Variants in ANKRD33B observed in about 807,000 individuals in gnomAD.
The protein encoded by ANKRD33B is ankyrin repeat domain 33B.
ANKRD33B carries 6 observed loss-of-function variants against 21.5 expected under a neutral mutation model. The ratio of observed to expected loss-of-function variants is 0.28; its 90% CI spans 0.15 to 0.55. ANKRD33B has a LOEUF of 0.55. Among genes scored for constraint, ANKRD33B ranks in the 20% least tolerant of loss-of-function variants. ANKRD33B has a pLI of 0.94. For synonymous variants in ANKRD33B, 347 were observed against 342.4 expected (o/e 1.01, Z -0.15); for missense variants, 698 against 747.2 (o/e 0.93, Z 0.77).
chr5:10,638,989 A>C lies in ANKRD33B; in HGVS notation c.637+821A>C, dbSNP rs34752589. The stretch of plus-strand genomic sequence containing the variant: ...ACGGCGATGTTAGCGGGTGACGCGG[A>C]GTTGCGCGGCGATGTTAGGCGGTGA... On this transcript the variant is annotated intron_variant, in intron 3 of 3. Coordinates refer to ENST00000296657, the MANE Select transcript of ANKRD33B (RefSeq NM_001164440.2). 9.3e-4 allele frequency among the ~76,000 whole-genome samples: 62 copies of C among 66,992 alleles called. 3 individuals carry two copies. Among genetic ancestry groups the C allele is most frequent in the Admixed American group, 1.0e-3 (8 of 7,672 alleles). 43.9% of individuals were successfully genotyped at this position (66,992 alleles called of 152,430 possible).
intron 2 of ANKRD33B, chr5:10,627,214 A>G (rs1736573101): frequency 6.6e-6 from 1 of 152,180 alleles, no homozygotes; most frequent in South Asian, 2.1e-4. Flanking sequence ...CGCTCCACTA[A>G]CAAAAATAAA....
In ANKRD33B at chr5:10,564,138, C is replaced by T. The variant is rs955425435; in HGVS notation, c.-330C>T. Among the ~76,000 whole-genome samples, 4 of 152,134 alleles carry T rather than the reference C, an allele frequency of 2.6e-5. No homozygotes were observed. The highest frequency in any genetic ancestry group is 1.9e-4 in the East Asian group (1 of 5,150). ...GGGGCAACGCTGCCAGGTGCCCAGT[C>T]CCCGCGCTCGAGAGAGCGCCTGCCT... On this transcript the variant is annotated 5_prime_UTR_variant, in exon 1 of 4. Transcript: ENST00000296657.
intron 2 of ANKRD33B, chr5:10,627,351 T>C (rs897169686): frequency 6.6e-6 from 1 of 152,248 alleles, no homozygotes; most frequent in African/African-American, 2.4e-5. Context: ...GGGGTCTCTT[T>C]GAGCTGGTGA....
rs774080913 is a variant in ANKRD33B at position 10,576,185 on chromosome 5, C to G, written c.366+11352C>G. On this transcript the variant is annotated intron_variant, in intron 1 of 3. Transcript: ENST00000296657. The surrounding 1 kb of genome is among the most constrained non-coding windows in gnomAD (Gnocchi z 4.1). ...AGTTGAATGAGCGTGAAAAGCTGCACGCATGACCTTTTTCCTGTAGCCTTG... is the reference window on the plus strand; with the variant it reads ...AGTTGAATGAGCGTGAAAAGCTGCAGGCATGACCTTTTTCCTGTAGCCTTG... 6.6e-6 allele frequency among the ~76,000 whole-genome samples: 1 copy of G among 152,148 alleles called. No homozygotes were observed. The highest frequency in any genetic ancestry group is 6.5e-5 in the Admixed American group (1 of 15,286).
intron 2 of ANKRD33B, chr5:10,624,816 T>G (rs780716398): frequency 6.6e-6 from 3 of 456,646 alleles, no homozygotes; most frequent in Non-Finnish European, 1.3e-5. Context: ...CTGGCTCATG[T>G]GAGCATTAAC....
chr5:10,650,252 T>C lies in ANKRD33B; in HGVS notation c.*139T>C. 1 of 991,930 alleles carries C rather than the reference T, an allele frequency of 1.0e-6. No homozygotes were observed. The highest frequency in any genetic ancestry group is 1.3e-6 in the Non-Finnish European group (1 of 743,974). The allele number at this position is 991,930 out of a possible 1,614,324, so 61.4% of individuals were successfully genotyped here. A position where few individuals can be genotyped will look rare whatever the true frequency, so the allele number is the denominator to read the frequency against. ...CACGGGGCTGCGCGCATTTCCAGGC[T>C]GTTTGTCCAGGCTGCTTCCAAGAGA... On this transcript the variant is annotated 3_prime_UTR_variant, in exon 4 of 4. Coordinates refer to ENST00000296657, the MANE Select transcript of ANKRD33B (RefSeq NM_001164440.2).
intron 1 of ANKRD33B, among the ~76,000 whole-genome samples, chr5:10,589,924 T>C (rs1735645764): frequency 6.6e-6 from 1 of 152,068 alleles, no homozygotes; most frequent in African/African-American, 2.4e-5. Context: ...CCTGTGTATG[T>C]TATGCTTTTC....
At chr5:10,617,457 T>C (rs1454201013) in intron 1 of ANKRD33B, among the ~76,000 whole-genome samples, 4 of 152,156 alleles carry the variant, frequency 2.6e-5, no homozygotes, top group African/African-American at 9.7e-5. Flanking sequence ...CAACCTCACC[T>C]CCATTCTAAC....
At chr5:10,591,937 GTTATC>G (rs1735704249) in intron 1 of ANKRD33B, among the ~76,000 whole-genome samples, 1 of 151,892 alleles carries the variant, frequency 6.6e-6, no homozygotes, top group Non-Finnish European at 1.5e-5. Flanking sequence ...TATATTTATT[GTTATC>G]TTATTATTTT....
At chr5:10,648,034 TTA>T (rs1737228725) in intron 3 of ANKRD33B, among the ~76,000 whole-genome samples, 1 of 152,196 alleles carries the variant, frequency 6.6e-6, no homozygotes, top group Admixed American at 6.5e-5. Flanking sequence ...AGGAAGTACA[TTA>T]GACTGAGGTT....
chr5:10,646,003 G>A (rs1028356598), intron 3 of ANKRD33B, among the ~76,000 whole-genome samples: 5 of 152,196 alleles, frequency 3.3e-5, no homozygotes, highest in Admixed American at 3.3e-4. Flanking sequence ...GTTCTCCAAT[G>A]CACAGGACAG....
intron 1 of ANKRD33B, among the ~76,000 whole-genome samples, chr5:10,585,253 G>C (rs1735528744): frequency 6.6e-6 from 1 of 152,176 alleles, no homozygotes; most frequent in Non-Finnish European, 1.5e-5. Context: ...TGGTTGTGGT[G>C]AGCTCGTCTC....
At chr5:10,627,908 C>T (rs750803026) in intron 2 of ANKRD33B, 1 of 152,254 alleles carries the variant, frequency 6.6e-6, no homozygotes, top group Non-Finnish European at 1.5e-5. Flanking sequence ...TGGGGCTTGC[C>T]TGGCTCCTCC....
chr5:10,613,363 C>T (rs1736214531), intron 1 of ANKRD33B, among the ~76,000 whole-genome samples: 2 of 150,248 alleles, frequency 1.3e-5, no homozygotes, highest in Non-Finnish European at 2.9e-5. Flanking sequence ...CAGCTCACTG[C>T]AAGCTCTGCC....
chr5:10,567,007 T>C (rs1735077540), intron 1 of ANKRD33B, among the ~76,000 whole-genome samples: 2 of 152,236 alleles, frequency 1.3e-5, no homozygotes, highest in African/African-American at 2.4e-5. Context: ...GGCAAGGCTT[T>C]TTCTCTCGCT....
chr5:10,650,713 G>A lies in ANKRD33B; in HGVS notation c.*600G>A, dbSNP rs1737330872. ...GATATTTCTATTTGACGGAGGCATT[G>A]GCTCGTTGAGCCACATGATCAAGTG... On this transcript the variant is annotated 3_prime_UTR_variant, in exon 4 of 4. Coordinates refer to ENST00000296657, the MANE Select transcript of ANKRD33B (RefSeq NM_001164440.2). The A allele has an allele frequency of 6.6e-6, 1 of 152,324 alleles. No individual in the cohort carries two copies. The highest frequency in any genetic ancestry group is 1.5e-5 in the Non-Finnish European group (1 of 68,040). The allele number at this position is 152,324 out of a possible 1,614,324, so 9.4% of individuals were successfully genotyped here. A position where few individuals can be genotyped will look rare whatever the true frequency, so the allele number is the denominator to read the frequency against.
rs973065998 is a variant in ANKRD33B at position 10,649,813 on chromosome 5, C to T, written c.1185C>T (p.Gly395=). 7.2e-7 allele frequency: 1 copy of T among 1,381,496 alleles called. No individual in the cohort carries two copies. The highest frequency in any genetic ancestry group is 1.5e-5 in the African/African-American group (1 of 65,252). The allele number at this position is 1,381,496 out of a possible 1,614,324, so 85.6% of individuals were successfully genotyped here. Residue 395 remains glycine (G), a synonymous_variant, in exon 4 of 4, where the codon GGC becomes GGT. Coordinates refer to ENST00000296657, the MANE Select transcript of ANKRD33B (RefSeq NM_001164440.2). ...TCCCTCCCGCCCTGGGGTCCCGGGG[C>T]CCCGCAGCGCCCGCCCCGCGGAAGG... ...AGLPPALGSR[G]PAAPAPRKAS...
intron 1 of ANKRD33B, among the ~76,000 whole-genome samples, chr5:10,582,383 A>G (rs1325118587): frequency 6.6e-6 from 1 of 152,030 alleles, no homozygotes; most frequent in Admixed American, 6.6e-5. Context: ...GTATCCAGTC[A>G]TTTCCCAAGC....
chr5:10,610,862 T>TGGC (rs1338697701), intron 1 of ANKRD33B, among the ~76,000 whole-genome samples: 2 of 152,098 alleles, frequency 1.3e-5, no homozygotes, highest in Non-Finnish European at 2.9e-5. Context: ...TTGGCCAACG[T>TGGC]GGCGAAACCC....
Sources: allele counts gnomAD v4.1 joint callset (sites outside exome capture counted in the v4.1 genomes callset), GRCh38; gene constraint gnomAD v4.1.1; non-coding constraint Gnocchi (gnomAD v3.1); transcripts MANE v1.5; gene names NCBI Gene and HGNC (gene_info 2026-07-23, HGNC 2026-07-21).